The following PDS5A variants were observed in gnomAD, a reference collection of about 807,000 sequenced individuals.
PDS5A encodes sister chromatid cohesion protein PDS5 homolog A.
In PDS5A, 42 loss-of-function variants were observed where a neutral mutation model predicts 167.1. The observed-to-expected ratio is 0.25, with a 90% CI of 0.20 to 0.33. PDS5A has a LOEUF of 0.33. PDS5A is among the 10% of genes least tolerant of loss of function. The pLI, the probability that PDS5A is intolerant of heterozygous loss-of-function variation, is 1.00. For missense variants in PDS5A, 1,033 were observed against 1,605.9 expected, an observed-to-expected ratio of 0.64 and a Z score of 6.10; for synonymous variants, 553 against 554.6, an observed-to-expected ratio of 1.00 and a Z score of 0.04.
At chr4:39,951,936 C>T (rs1430641528) in intron 2 of PDS5A, among the ~76,000 whole-genome samples, 1 of 144,978 alleles carries the variant, frequency 6.9e-6, no homozygotes, top group African/African-American at 2.5e-5. Flanking sequence ...ATCACTAACA[C>T]TACTGGTGAT....
At chr4:39,892,599 A>C (rs1271765884) in intron 16 of PDS5A, among the ~76,000 whole-genome samples, 1 of 152,212 alleles carries the variant, frequency 6.6e-6, no homozygotes, top group African/African-American at 2.4e-5. Context: ...CAATGGAAAT[A>C]TTTGTCAGCC....
intron 2 of PDS5A, among the ~76,000 whole-genome samples, chr4:39,974,928 T>C (rs1215335592): frequency 1.3e-5 from 2 of 151,778 alleles, no homozygotes; most frequent in Non-Finnish European, 1.5e-5. Context: ...GTGACCAACA[T>C]AGTGAAATCC....
Position 39,891,036 on chromosome 4 carries a change from AT to A in PDS5A, c.1771-673del, listed in dbSNP as rs1007258916. ...CAGAACATTGTGTTTTGTTTCAGTT[AT>A]TTTTTTTTTTGAGCTGGAGTCTCGC... is the stretch of plus-strand genomic sequence containing the variant. On this transcript the variant is annotated intron_variant, in intron 16 of 32. Coordinates refer to ENST00000303538, the MANE Select transcript of PDS5A (RefSeq NM_001100399.2). Among the ~76,000 whole-genome samples, 594 of 147,078 alleles carry A rather than the reference AT, an allele frequency of 4.0e-3. 2 individuals are homozygous for A. The highest frequency in any genetic ancestry group is 0.013 in the African/African-American group (511 of 40,380).
intron 26 of PDS5A, among the ~76,000 whole-genome samples, chr4:39,859,466 T>A (rs980874846): frequency 1.3e-5 from 2 of 152,218 alleles, no homozygotes; most frequent in East Asian, 1.9e-4. Context: ...TAGTTGGAAC[T>A]TCAAATTACA....
intron 2 of PDS5A, among the ~76,000 whole-genome samples, chr4:39,944,694 C>CAAAAAAA (rs373241104): frequency 7.0e-5 from 6 of 86,076 alleles, no homozygotes; most frequent in Admixed American, 1.3e-4. Context: ...AACTCCATCT[C>CAAAAAAA]AAAAAAAAAA....
intron 26 of PDS5A, among the ~76,000 whole-genome samples, chr4:39,854,781 A>G (rs2109528414): frequency 6.6e-6 from 1 of 152,340 alleles, no homozygotes; most frequent in South Asian, 2.1e-4. Context: ...TACCTGGCAC[A>G]TTGAAAGTAC....
chr4:39,882,175 T>C (rs1720990596), intron 17 of PDS5A, among the ~76,000 whole-genome samples: 1 of 152,150 alleles, frequency 6.6e-6, no homozygotes. Flanking sequence ...AATGTAAAAA[T>C]CTGAATTTGC....
chr4:39,891,136 C>T (rs1044953503), intron 16 of PDS5A, among the ~76,000 whole-genome samples: 7 of 150,828 alleles, frequency 4.6e-5, no homozygotes, highest in Admixed American at 4.0e-4. Context: ...CAGGTTCAAA[C>T]AACTCTCCTG....
chr4:39,917,492 TAGAC>T (rs1440543805), intron 7 of PDS5A, among the ~76,000 whole-genome samples: 5 of 152,228 alleles, frequency 3.3e-5, no homozygotes, highest in African/African-American at 1.2e-4. Flanking sequence ...TAAAACAATT[TAGAC>T]AGTCTGTGTA....
At chr4:39,960,486 G>T (rs968688899) in intron 2 of PDS5A, among the ~76,000 whole-genome samples, 3 of 152,028 alleles carry the variant, frequency 2.0e-5, no homozygotes, top group African/African-American at 7.2e-5. Flanking sequence ...GCAAGGGAAA[G>T]AAATTTAGAA....
intron 30 of PDS5A, among the ~76,000 whole-genome samples, chr4:39,842,354 G>C (rs1717105211): frequency 6.6e-6 from 1 of 152,112 alleles, no homozygotes; most frequent in Non-Finnish European, 1.5e-5. Flanking sequence ...CACAACCACT[G>C]TAAGCTTTAT....
At chr4:39,910,067 G>T (rs981135571) in intron 10 of PDS5A, 177 bp downstream of exon 10, 3 of 466,620 alleles carry the variant, frequency 6.4e-6, no homozygotes, top group Non-Finnish European at 3.8e-6. Context: ...CAAATAAAGA[G>T]ATTTTAAATG....
chr4:39,867,012 C>T lies in PDS5A; in HGVS notation c.2506-15G>A. 1 of 1,566,840 alleles carries T rather than the reference C, an allele frequency of 6.4e-7. No individual in the cohort carries two copies. Among genetic ancestry groups the T allele is most frequent in the South Asian group, 1.2e-5 (1 of 83,976 alleles). On this transcript the variant is annotated splice_polypyrimidine_tract_variant and intron_variant, in intron 22 of 32. Transcript: ENST00000303538. ...ATTGCCTGTACCTATAAAATATTAACATGCTAAAAAAAGAAAGCAACTTAA... is the reference window on the plus strand; with the variant it reads ...ATTGCCTGTACCTATAAAATATTAATATGCTAAAAAAAGAAAGCAACTTAA...
At position 39,882,435 on chromosome 4, in the gene PDS5A, C is replaced by T. The variant is rs961135788; in HGVS notation, c.1887-2602G>A. 2.0e-5 allele frequency among the ~76,000 whole-genome samples: 3 copies of T among 152,280 alleles called. No homozygotes were observed. The South Asian group carries it at 6.2e-4, about 32-fold the overall frequency. On this transcript the variant is annotated intron_variant, in intron 17 of 32. Transcript: ENST00000303538. ...TGTTTTCTGGAAATTCTAGCTCTGA[C>T]TTTGTATTTTAAAGATTCATTCAAT...
chr4:39,964,202 A>G (rs1453534737), intron 2 of PDS5A, among the ~76,000 whole-genome samples: 1 of 152,176 alleles, frequency 6.6e-6, no homozygotes, highest in African/African-American at 2.4e-5. Flanking sequence ...GGTAGTACAA[A>G]TAACCTTATG....
intron 26 of PDS5A, among the ~76,000 whole-genome samples, chr4:39,861,762 C>T (rs1402989969): frequency 2.0e-5 from 3 of 152,016 alleles, no homozygotes; most frequent in Admixed American, 1.3e-4. Context: ...CAAAATATTA[C>T]GTGTACCTCA....
At chr4:39,871,780 T>G (rs1720056165) in intron 21 of PDS5A, among the ~76,000 whole-genome samples, 1 of 152,242 alleles carries the variant, frequency 6.6e-6, no homozygotes, top group South Asian at 2.1e-4. Context: ...CTTGGCTCAC[T>G]GCAACCTCTG....
At chr4:39,913,042 A>C (rs1047406208) in intron 9 of PDS5A, among the ~76,000 whole-genome samples, 4 of 152,144 alleles carry the variant, frequency 2.6e-5, no homozygotes, top group African/African-American at 9.6e-5. Flanking sequence ...TAAAGATCTT[A>C]AGACTTAGAA....
intron 2 of PDS5A, among the ~76,000 whole-genome samples, chr4:39,941,108 C>T (rs775351983): frequency 5.9e-5 from 9 of 152,170 alleles, no homozygotes; most frequent in African/African-American, 2.2e-4. Context: ...ACTTTCTCTT[C>T]GTAGTTTTAC....
Sources: allele counts gnomAD v4.1 joint callset (sites outside exome capture counted in the v4.1 genomes callset), GRCh38; gene constraint gnomAD v4.1.1; transcripts MANE v1.5; gene names NCBI Gene and HGNC (gene_info 2026-07-23, HGNC 2026-07-21).